The following NPAS3 variants were observed in gnomAD, a reference collection of about 807,000 sequenced individuals.
The protein encoded by NPAS3 is neuronal PAS domain protein 3, also known as neuronal PAS domain-containing protein 3.
A neutral mutation model predicts 73.1 loss-of-function variants in NPAS3; 14 were observed. That is an observed-to-expected ratio of 0.19 (90% CI 0.13 to 0.30). The LOEUF is 0.30. Among genes scored for constraint, NPAS3 ranks in the 10% least tolerant of loss-of-function variants. The pLI, the probability that NPAS3 is intolerant of heterozygous loss-of-function variation, is 1.00. For synonymous variants in NPAS3, 620 were observed against 541.5 expected, an observed-to-expected ratio of 1.14 and a Z score of -2.01; for missense variants, 1,096 against 1,250.0, an observed-to-expected ratio of 0.88 and a Z score of 1.86.
chr14:33,079,325 C>CTTTTTTTTTTTTTT (rs772885846), intron 2 of NPAS3, among the ~76,000 whole-genome samples: 5,940 of 130,900 alleles, frequency 0.045, 430 homozygotes, highest in East Asian at 0.23. Context: ...TTTCTTTTTC[C>CTTTTTTTTTTTTTT]TTTTTTTTTT....
intron 5 of NPAS3, among the ~76,000 whole-genome samples, chr14:33,643,348 T>G (rs1345401860): frequency 6.6e-5 from 9 of 136,766 alleles, no homozygotes. Context: ...AGTTCTGATG[T>G]GTTCGGAAAA....
intron 2 of NPAS3, among the ~76,000 whole-genome samples, chr14:33,061,178 G>A (rs1220240155): frequency 6.6e-6 from 1 of 152,180 alleles, no homozygotes; most frequent in Non-Finnish European, 1.5e-5. Context: ...GGGGAGGATG[G>A]TCACCTATGC....
At chr14:33,786,289 A>G (rs1364478860) in intron 9 of NPAS3, among the ~76,000 whole-genome samples, 1 of 152,214 alleles carries the variant, frequency 6.6e-6, no homozygotes, top group African/African-American at 2.4e-5. Context: ...TCTACATAAC[A>G]GATGAACAAA....
chr14:33,479,827 A>G (rs1055613860), intron 4 of NPAS3, among the ~76,000 whole-genome samples: 11 of 152,248 alleles, frequency 7.2e-5, no homozygotes, highest in African/African-American at 2.2e-4. Flanking sequence ...GACAGGATGC[A>G]ATTTTTGAAC....
chr14:33,740,749 T>G (rs996545303), intron 7 of NPAS3, among the ~76,000 whole-genome samples: 1 of 152,194 alleles, frequency 6.6e-6, no homozygotes, highest in Non-Finnish European at 1.5e-5. Context: ...GAGAAATGAG[T>G]CATGTTAGCA....
intron 6 of NPAS3, among the ~76,000 whole-genome samples, chr14:33,720,498 T>C (rs1206526497): frequency 6.6e-6 from 1 of 152,176 alleles, no homozygotes; most frequent in Non-Finnish European, 1.5e-5. Context: ...GTAGCCACAT[T>C]AGTGTGTTAG....
At chr14:33,090,745 G>C (rs1158456149) in intron 2 of NPAS3, among the ~76,000 whole-genome samples, 1 of 152,100 alleles carries the variant, frequency 6.6e-6, no homozygotes, top group African/African-American at 2.4e-5. Context: ...CACATATTTG[G>C]AAGTAAAGCA....
intron 1 of NPAS3, among the ~76,000 whole-genome samples, chr14:32,972,537 T>G (rs977052436): frequency 6.6e-6 from 1 of 152,214 alleles, no homozygotes; most frequent in African/African-American, 2.4e-5. Context: ...ATCACATTTT[T>G]GTTTTAATTA....
chr14:33,204,555 G>A (rs182214140), intron 2 of NPAS3, among the ~76,000 whole-genome samples: 2 of 152,028 alleles, frequency 1.3e-5, no homozygotes. Flanking sequence ...TTTCTCCTCC[G>A]TAAGAGCCTG....
intron 2 of NPAS3, 120 bp from the exon 3 acceptor site, chr14:33,215,062 G>A (rs1309593290): frequency 5.6e-6 from 6 of 1,062,442 alleles, no homozygotes; most frequent in Non-Finnish European, 8.3e-6. Flanking sequence ...TCACTCTCTA[G>A]TTTTGAAATA....
At chr14:33,614,419 C>G (rs1442072029) in intron 5 of NPAS3, among the ~76,000 whole-genome samples, 1 of 152,022 alleles carries the variant, frequency 6.6e-6, no homozygotes, top group Non-Finnish European at 1.5e-5. Flanking sequence ...TGAGCATCCT[C>G]AGTACTGCCC....
At chr14:33,606,179 G>A (rs372276112) in intron 5 of NPAS3, among the ~76,000 whole-genome samples, 4 of 150,954 alleles carry the variant, frequency 2.6e-5, no homozygotes, top group East Asian at 2.0e-4. Flanking sequence ...CCATTAACTC[G>A]TCATTTAGCA....
In NPAS3 at chr14:33,794,057, CTTCTT is replaced by C. The variant is rs768890516; in HGVS notation, c.1301+18_1301+22del. On this transcript the variant is annotated intron_variant, in intron 10 of 11. Transcript: ENST00000356141. ...ATTACCTTCTTAGGTATATTTTCTACTTCTTTTCTATTTCTGTCCTGGTTATAAAA... is the reference window on the plus strand; with the variant it reads ...ATTACCTTCTTAGGTATATTTTCTACTTCTATTTCTGTCCTGGTTATAAAA... The C allele has an allele frequency of 1.2e-6, 2 of 1,606,346 alleles. No homozygotes were observed. The highest frequency in any genetic ancestry group is 1.7e-5 in the Admixed American group (1 of 59,954).
intron 10 of NPAS3, among the ~76,000 whole-genome samples, chr14:33,796,478 T>C (rs2063516449): frequency 6.6e-6 from 1 of 152,202 alleles, no homozygotes; most frequent in African/African-American, 2.4e-5. Flanking sequence ...TTTAGAGTAG[T>C]TACTGAAACA....
chr14:33,190,747 G>A (rs1442190322), intron 2 of NPAS3, among the ~76,000 whole-genome samples: 2 of 152,138 alleles, frequency 1.3e-5, no homozygotes, highest in African/African-American at 2.4e-5. Context: ...CAGTTAGGAT[G>A]TTGTTTTGGC....
chr14:33,372,448 A>T (rs1594787387), intron 4 of NPAS3, among the ~76,000 whole-genome samples: 1 of 152,324 alleles, frequency 6.6e-6, no homozygotes, highest in East Asian at 1.9e-4. Context: ...TAATAAACTT[A>T]ATGGTGATTT....
chr14:33,147,730 A>AAAAAAAATATATATATATATATATAT (rs372663411), intron 2 of NPAS3, among the ~76,000 whole-genome samples: 1 of 130,386 alleles, frequency 7.7e-6, no homozygotes, highest in African/African-American at 3.2e-5. Context: ...TAGAATAAAA[A>AAAAAAAATATATATATATATATATAT]ATATATATAT....
At chr14:33,720,039 T>C (rs2061063251) in intron 6 of NPAS3, among the ~76,000 whole-genome samples, 2 of 152,102 alleles carry the variant, frequency 1.3e-5, no homozygotes, top group African/African-American at 4.8e-5. Context: ...CATTGCCAAA[T>C]ATAAGTTCCA....
intron 9 of NPAS3, among the ~76,000 whole-genome samples, chr14:33,781,837 C>T (rs572119123): frequency 4.4e-4 from 67 of 152,254 alleles, no homozygotes; most frequent in African/African-American, 1.4e-3. Flanking sequence ...CTTGCCTAGG[C>T]ATCTGTAAAT....
Sources: gnomAD v4.1 joint callset for allele counts (sites outside exome capture counted in the v4.1 genomes callset) on GRCh38, gnomAD v4.1.1 for gene constraint, MANE v1.5 for transcripts, NCBI Gene and HGNC (gene_info 2026-07-23, HGNC 2026-07-21) for gene names.